PRDM15: variants seen among roughly 807,000 people sequenced by gnomAD.
PRDM15 encodes the protein PR domain zinc finger protein 15.
PRDM15 carries 64 observed loss-of-function variants against 128.6 expected under a neutral mutation model. The ratio of observed to expected loss-of-function variants is 0.50; its 90% CI spans 0.41 to 0.61. The LOEUF is 0.61. Among genes scored for constraint, PRDM15 ranks in the 20% least tolerant of loss-of-function variants. The pLI is 0.00. For synonymous variants in PRDM15, 615 were observed against 621.8 expected, an observed-to-expected ratio of 0.99 and a Z score of 0.16; for missense variants, 1,242 against 1,569.1, an observed-to-expected ratio of 0.79 and a Z score of 3.52.
At chr21:41,868,461 G>A (rs2064092484) in intron 1 of PRDM15, among the ~76,000 whole-genome samples, 1 of 152,084 alleles carries the variant, frequency 6.6e-6, no homozygotes, top group Admixed American at 6.6e-5. Context: ...AGAGACACAG[G>A]AGAGATCCAG....
At chr21:41,850,420 T>A (rs965390398) in intron 5 of PRDM15, among the ~76,000 whole-genome samples, 6 of 151,792 alleles carry the variant, frequency 4.0e-5, no homozygotes, top group Admixed American at 2.6e-4. Context: ...AGAAACAAAA[T>A]CAATCTTAAT....
intron 1 of PRDM15, chr21:41,861,638 T>C: frequency 1.2e-6 from 2 of 1,614,084 alleles, no homozygotes; most frequent in African/African-American, 1.3e-5. Context: ...TGCTGGCACT[T>C]CTTGAATGCT....
chr21:41,876,532 G>A (rs1412601779), intron 1 of PRDM15, among the ~76,000 whole-genome samples: 2 of 152,168 alleles, frequency 1.3e-5, no homozygotes, highest in East Asian at 1.9e-4. Flanking sequence ...GGCCCACGGG[G>A]GAGCCACTCC....
intron 1 of PRDM15, among the ~76,000 whole-genome samples, chr21:41,866,401 G>A (rs2064010162): frequency 6.6e-6 from 1 of 152,246 alleles, no homozygotes. Context: ...ACCTGCGCTT[G>A]GCCTCTGCCA....
In PRDM15 at chr21:41,839,605, C is replaced by T. The variant is rs752661306; in HGVS notation, c.871+18G>A. On this transcript the variant is annotated intron_variant, in intron 7 of 23. Transcript: ENST00000398548. ...CTGCGCCCCACGCAGGCACTCATCC[C>T]CGGGACCCGCTCATCACCTGTGGGT... 11 of 1,611,328 alleles carry T rather than the reference C, an allele frequency of 6.8e-6. No individual in the cohort carries two copies. In the East Asian group the frequency reaches 2.2e-4, roughly 33 times the overall value.
intron 23 of PRDM15, among the ~76,000 whole-genome samples, chr21:41,802,264 G>A (rs80094435): frequency 0.023 from 3,461 of 152,284 alleles, 134 homozygotes; most frequent in African/African-American, 0.078. Flanking sequence ...CAAAAGTGAC[G>A]AAGGCTGAGC....
At position 41,859,603 on chromosome 21, in the gene PRDM15, TAA is replaced by T; in HGVS notation, c.118_119del (p.Leu40LysfsTer39). 3 of 1,613,822 alleles carry T rather than the reference TAA, an allele frequency of 1.9e-6. No homozygotes were observed. Among genetic ancestry groups the T allele is most frequent in the Non-Finnish European group, 2.5e-6 (3 of 1,179,874 alleles). The stretch of plus-strand genomic sequence containing the variant: ...CGGCGGTCACTCACCTTGCCCTGCT[TAA>T]CACAAAGGAGTCTTTGACCATGACC... The part of the protein sequence containing the change: ...PVVMVKDSFV[L>X]SRARSSLPPN... On this transcript the variant is annotated frameshift_variant, in exon 3 of 24. Transcript: ENST00000398548. LOFTEE classifies it high-confidence loss of function. The surrounding 1 kb of genome is among the most constrained non-coding windows in gnomAD (Gnocchi z 5.3).
chr21:41,859,772 T>C lies in PRDM15; in HGVS notation c.38-87A>G. The C allele has an allele frequency of 9.1e-7, 1 of 1,095,296 alleles. No individual in the cohort carries two copies. Among genetic ancestry groups the C allele is most frequent in the East Asian group, 2.5e-5 (1 of 39,258 alleles). 67.8% of individuals were successfully genotyped at this position (1,095,296 alleles called of 1,614,324 possible). A position where few individuals can be genotyped will look rare whatever the true frequency, so the allele number is the denominator to read the frequency against. On this transcript the variant is annotated intron_variant, in intron 2 of 23. Coordinates refer to ENST00000398548, the MANE Select transcript of PRDM15 (RefSeq NM_001040424.3). This position sits in a 1 kb window ranked among gnomAD's most constrained non-coding sequence, Gnocchi z 5.3. ...CTGGGAAATGGGGACCCTGGCCCCATGAGGGTGACCCAGAGTCATGAGACA... is the reference window on the plus strand; with the variant it reads ...CTGGGAAATGGGGACCCTGGCCCCACGAGGGTGACCCAGAGTCATGAGACA...
At position 41,823,485 on chromosome 21, in the gene PRDM15, C is replaced by A. The variant is rs1467808736; in HGVS notation, c.1630-36G>T. 3 of 1,537,296 alleles carry A rather than the reference C, an allele frequency of 2.0e-6. No homozygotes were observed. In the South Asian group the frequency reaches 3.6e-5, roughly 18 times the overall value. ...GGAGCCGCATGGTGAGGGGCTGCGG[C>A]GTCTCGTGACGGGAAGGAGCCTCTC... is the stretch of plus-strand genomic sequence containing the variant. On this transcript the variant is annotated intron_variant, in intron 13 of 23. Transcript: ENST00000398548.
intron 11 of PRDM15, among the ~76,000 whole-genome samples, chr21:41,831,069 G>A (rs529080363): frequency 5.3e-5 from 8 of 152,376 alleles, no homozygotes; most frequent in Non-Finnish European, 5.9e-5. Flanking sequence ...ACCCAGGAGC[G>A]GGGCACCAGA....
intron 14 of PRDM15, chr21:41,823,080 C>T: frequency 1.8e-6 from 1 of 544,408 alleles, no homozygotes; most frequent in Non-Finnish European, 3.3e-6. Flanking sequence ...AGAAGAGATC[C>T]CTACCCTTCT....
chr21:41,818,656 G>A (rs534696989), intron 18 of PRDM15, among the ~76,000 whole-genome samples: 7 of 152,158 alleles, frequency 4.6e-5, no homozygotes, highest in South Asian at 2.1e-4. Context: ...GGGGTCACCC[G>A]GCGAGTGCAG....
rs2062385311 is a variant in PRDM15 at position 41,824,174 on chromosome 21, A to G, written c.1630-725T>C. On this transcript the variant is annotated intron_variant, in intron 13 of 23. Transcript: ENST00000398548. Reference sequence around the variant, plus strand: ...CTCCTAAAGTTCGCCTGATGCCCACATTGTCAAGAAGAGAACAGATGAATG... The same window carrying G: ...CTCCTAAAGTTCGCCTGATGCCCACGTTGTCAAGAAGAGAACAGATGAATG... 2.0e-5 allele frequency among the ~76,000 whole-genome samples: 3 copies of G among 152,162 alleles called. 1 individual carries two copies. The East Asian group carries it at 5.8e-4, about 29-fold the overall frequency.
intron 11 of PRDM15, among the ~76,000 whole-genome samples, chr21:41,830,276 TCAA>T (rs2062638904): frequency 7.7e-6 from 1 of 129,138 alleles, no homozygotes; most frequent in Non-Finnish European, 1.6e-5. Context: ...AAATACACAC[TCAA>T]CACACACATC....
chr21:41,871,431 T>C (rs2064205493), intron 1 of PRDM15: 1 of 1,388,448 alleles, frequency 7.2e-7, no homozygotes, highest in African/African-American at 1.5e-5. Context: ...GCTGCCATTG[T>C]TAAAGCCACA....
At chr21:41,819,810 C>T (rs2062186853) in intron 17 of PRDM15, 109 bp from the exon 18 acceptor site, 1 of 1,414,178 alleles carries the variant, frequency 7.1e-7, no homozygotes, top group Non-Finnish European at 9.5e-7. Flanking sequence ...GCTAGAAGCG[C>T]AGTAACAGGG....
chr21:41,878,701 T>C, intron 1 of PRDM15: 1 of 1,568,816 alleles, frequency 6.4e-7, no homozygotes. Flanking sequence ...TCACCAGGAC[T>C]CAGCTTCTCT....
rs1423585118 is a variant in PRDM15 at position 41,859,154 on chromosome 21, GC to G, written c.131+437del. ...TGCTTCTGGAAGCTGCTGTGGGTCAGCCCTGTCCCTGTCCTCATAACCCCGC... is the reference window on the plus strand; with the variant it reads ...TGCTTCTGGAAGCTGCTGTGGGTCAGCCTGTCCCTGTCCTCATAACCCCGC... On this transcript the variant is annotated intron_variant, in intron 3 of 23. Transcript: ENST00000398548. This position sits in a 1 kb window ranked among gnomAD's most constrained non-coding sequence, Gnocchi z 5.3. The G allele has an allele frequency of 2.5e-6, 4 of 1,613,800 alleles. No homozygotes were observed. The highest frequency in any genetic ancestry group is 1.1e-5 in the South Asian group (1 of 91,008).
intron 1 of PRDM15, among the ~76,000 whole-genome samples, chr21:41,875,935 T>C (rs2064398620): frequency 6.6e-6 from 1 of 152,110 alleles, no homozygotes; most frequent in Non-Finnish European, 1.5e-5. Flanking sequence ...TACACAACCC[T>C]AGATGGTATA....
Sources: gnomAD v4.1 joint callset for allele counts (sites outside exome capture counted in the v4.1 genomes callset) on GRCh38, gnomAD v4.1.1 for gene constraint, Gnocchi (gnomAD v3.1) non-coding constraint, MANE v1.5 for transcripts, NCBI Gene and HGNC (gene_info 2026-07-23, HGNC 2026-07-21) for gene names.